PIK3AP1: variants seen among roughly 807,000 people sequenced by gnomAD.
PIK3AP1 encodes the protein phosphoinositide 3-kinase adapter protein 1.
A neutral mutation model predicts 88.1 loss-of-function variants in PIK3AP1; 21 were observed. The ratio of observed to expected loss-of-function variants is 0.24; its 90% CI spans 0.17 to 0.34. The LOEUF (loss-of-function observed/expected upper bound fraction) is 0.34, where lower values mean the gene tolerates loss of function less well. PIK3AP1 is among the 10% of genes least tolerant of loss of function. The pLI, the probability that PIK3AP1 is intolerant of heterozygous loss-of-function variation, is 1.00. For synonymous variants in PIK3AP1, 398 were observed against 400.0 expected (o/e 1.00, Z 0.06); for missense variants, 828 against 1,035.7 (o/e 0.80, Z 2.75).
chr10:96,711,662 C>T (rs1446561561), intron 1 of PIK3AP1, among the ~76,000 whole-genome samples: 1 of 151,114 alleles, frequency 6.6e-6, no homozygotes, highest in South Asian at 2.1e-4. Context: ...CAATCCACCA[C>T]TATATTCAAA....
At chr10:96,661,225 TC>T (rs1324606692) in intron 2 of PIK3AP1, among the ~76,000 whole-genome samples, 11 of 151,390 alleles carry the variant, frequency 7.3e-5, no homozygotes, top group Non-Finnish European at 1.3e-4. Context: ...ACTGTAGGAT[TC>T]CAACTATATG....
intron 2 of PIK3AP1, 65 bp from the exon 3 acceptor site, chr10:96,656,999 C>T: frequency 1.3e-6 from 2 of 1,551,658 alleles, no homozygotes; most frequent in Non-Finnish European, 1.8e-6. Context: ...ATGTTCCACC[C>T]CATGAGAGCC....
intron 14 of PIK3AP1, among the ~76,000 whole-genome samples, chr10:96,609,305 T>C (rs1849061780): frequency 6.6e-6 from 1 of 152,248 alleles, no homozygotes; most frequent in Non-Finnish European, 1.5e-5. Flanking sequence ...ATTCCGGCTA[T>C]TCCACATTAG....
intron 14 of PIK3AP1, among the ~76,000 whole-genome samples, chr10:96,607,002 A>C (rs1849014209): frequency 6.6e-6 from 1 of 152,224 alleles, no homozygotes; most frequent in South Asian, 2.1e-4. Flanking sequence ...TTCTGTTTTG[A>C]AATTTTTGTT....
intron 14 of PIK3AP1, among the ~76,000 whole-genome samples, chr10:96,606,202 C>T (rs1465281440): frequency 6.6e-6 from 1 of 152,212 alleles, no homozygotes; most frequent in African/African-American, 2.4e-5. Flanking sequence ...CAGCCCACTC[C>T]TGTCCACAAG....
At chr10:96,653,345 C>T (rs1467430979) in intron 3 of PIK3AP1, among the ~76,000 whole-genome samples, 12 of 143,078 alleles carry the variant, frequency 8.4e-5, no homozygotes, top group Non-Finnish European at 1.4e-4. Flanking sequence ...GCAGAGGTTG[C>T]AGTGAACCAA....
At chr10:96,623,652 G>A in intron 10 of PIK3AP1, 115 bp from the exon 11 acceptor site, 1 of 851,504 alleles carries the variant, frequency 1.2e-6, no homozygotes, top group Non-Finnish European at 1.8e-6. Context: ...AATCAAAATT[G>A]TAGAAAGAGG....
rs560089535 is a variant in PIK3AP1, at chr10:96,601,994, C to T, written c.2360+286G>A. 1.4e-4 allele frequency among the ~76,000 whole-genome samples: 21 copies of T among 152,298 alleles called. No individual in the cohort carries two copies. In the South Asian group the frequency reaches 3.9e-3, roughly 29 times the overall value. On this transcript the variant is annotated intron_variant, in intron 16 of 16. Transcript: ENST00000339364. ...TGCCTCCCGGGTTCAAGCAATTCTC[C>T]TGCCTAAGCCTTCTGAGTGGCTGGG...
intron 16 of PIK3AP1, 80 bp downstream of exon 16, chr10:96,602,200 T>C: frequency 8.4e-7 from 1 of 1,190,696 alleles, no homozygotes; most frequent in Non-Finnish European, 1.2e-6. Flanking sequence ...TATTCTTTAG[T>C]CATCTTAGGT....
intron 2 of PIK3AP1, 99 bp downstream of exon 2, chr10:96,709,468 C>T: frequency 7.1e-6 from 10 of 1,398,966 alleles, no homozygotes; most frequent in Non-Finnish European, 9.8e-6. Flanking sequence ...GGTCTCTTAA[C>T]ATAGTGAGAT....
chr10:96,646,782 T>C (rs1475818128), intron 7 of PIK3AP1, among the ~76,000 whole-genome samples: 3 of 152,188 alleles, frequency 2.0e-5, no homozygotes, highest in African/African-American at 7.2e-5. Flanking sequence ...CCCACTGCCA[T>C]CCTGCCTCCA....
chr10:96,703,801 AGAAAACTTATAAT>A (rs1397890271), intron 2 of PIK3AP1, among the ~76,000 whole-genome samples: 1 of 152,240 alleles, frequency 6.6e-6, no homozygotes, highest in Middle Eastern at 3.2e-3. Context: ...CCATCTTCTT[AGAAAACTTATAAT>A]GGTATATTAC....
intron 2 of PIK3AP1, among the ~76,000 whole-genome samples, chr10:96,696,823 C>A (rs961339357): frequency 5.3e-5 from 8 of 152,128 alleles, no homozygotes; most frequent in African/African-American, 1.9e-4. Flanking sequence ...ATTTAAAATT[C>A]TATTGTGAAG....
At chr10:96,657,068 C>T (rs543298616) in intron 2 of PIK3AP1, 134 bp from the exon 3 acceptor site, 6 of 925,238 alleles carry the variant, frequency 6.5e-6, no homozygotes, top group South Asian at 3.5e-5. Flanking sequence ...GCAGAAGGGA[C>T]TGACTCAGGA....
At chr10:96,614,920 A>T (rs1208772643) in intron 13 of PIK3AP1, among the ~76,000 whole-genome samples, 1 of 152,236 alleles carries the variant, frequency 6.6e-6, no homozygotes, top group African/African-American at 2.4e-5. Flanking sequence ...GGGGTGTTGG[A>T]CCATAACCTT....
At chr10:96,620,599 G>C (rs1843065890) in intron 11 of PIK3AP1, 42 bp from the exon 12 acceptor site, 1 of 1,576,180 alleles carries the variant, frequency 6.3e-7, no homozygotes, top group Non-Finnish European at 8.7e-7. Flanking sequence ...CTCCCCCACT[G>C]GGGACCACTC....
intron 8 of PIK3AP1, among the ~76,000 whole-genome samples, chr10:96,629,714 C>CAAAAAAAAAAAAAAAA (rs33921990): frequency 4.2e-5 from 3 of 71,706 alleles, no homozygotes; most frequent in Non-Finnish European, 7.1e-5. Flanking sequence ...CCCATCTCTA[C>CAAAAAAAAAAAAAAAA]AAAAAAAAAA....
At chr10:96,629,590 A>G (rs1048226751) in intron 8 of PIK3AP1, among the ~76,000 whole-genome samples, 1 of 151,306 alleles carries the variant, frequency 6.6e-6, no homozygotes, top group East Asian at 1.9e-4. Context: ...TAAAAAAGAA[A>G]CTCTGGGCCA....
intron 2 of PIK3AP1, among the ~76,000 whole-genome samples, chr10:96,690,499 T>C (rs971118338): frequency 6.6e-5 from 10 of 152,148 alleles, no homozygotes; most frequent in African/African-American, 2.2e-4. Context: ...CCTGGGCTCA[T>C]ACAATTCACC....
Sources: gnomAD v4.1 joint callset for allele counts (sites outside exome capture counted in the v4.1 genomes callset) on GRCh38, gnomAD v4.1.1 for gene constraint, MANE v1.5 for transcripts, NCBI Gene and HGNC (gene_info 2026-07-23, HGNC 2026-07-21) for gene names.